NRCAM: variants seen among roughly 807,000 people sequenced by gnomAD.
NRCAM encodes neuronal cell adhesion molecule, also known as NgCAM-related cell adhesion molecule.
NRCAM carries 83 observed loss-of-function variants against 156.5 expected under a neutral mutation model. That is an observed-to-expected ratio of 0.53 (90% confidence interval 0.44 to 0.64). The LOEUF (loss-of-function observed/expected upper bound fraction) is 0.64, where lower values mean the gene tolerates loss of function less well. NRCAM is among the 30% of genes least tolerant of loss of function. The probability of loss-of-function intolerance (pLI) is 0.00; values close to 1 mark genes in which losing one functional copy is unlikely to be tolerated. For synonymous variants in NRCAM, 538 were observed against 563.9 expected (o/e 0.95, Z 0.65); for missense variants, 1,417 against 1,597.3 (o/e 0.89, Z 1.92).
intron 2 of NRCAM, among the ~76,000 whole-genome samples, chr7:108,398,766 C>T (rs1009063205): frequency 3.3e-5 from 5 of 152,172 alleles, no homozygotes; most frequent in African/African-American, 1.2e-4. Flanking sequence ...CCTCAATATA[C>T]TTTTATCATA....
chr7:108,402,684 G>C (rs1300932378), intron 1 of NRCAM, among the ~76,000 whole-genome samples: 1 of 152,066 alleles, frequency 6.6e-6, no homozygotes, highest in Non-Finnish European at 1.5e-5. Flanking sequence ...CCACACCCAG[G>C]TTCATATTCT....
intron 14 of NRCAM, 87 bp downstream of exon 14, chr7:108,197,869 A>T: frequency 1.0e-6 from 1 of 998,286 alleles, no homozygotes. Flanking sequence ...CACATAGTAG[A>T]TGCTCAATAT....
Position 108,176,427 on chromosome 7 carries a change from T to G in NRCAM, c.3151+3A>C. 1 of 1,611,124 alleles carries G rather than the reference T, an allele frequency of 6.2e-7. No individual in the cohort carries two copies. Among genetic ancestry groups the G allele is most frequent in the African/African-American group, 1.3e-5 (1 of 75,006 alleles). ...ATATGGATTTTATACATACCCATCT[T>G]ACCTTCATCCACAGTTGTTACTGCT... On this transcript the variant is annotated splice_donor_region_variant and intron_variant, in intron 27 of 32. Transcript: ENST00000379028.
intron 28 of NRCAM, among the ~76,000 whole-genome samples, chr7:108,171,008 A>G (rs922575947): frequency 6.6e-6 from 1 of 152,234 alleles, no homozygotes; most frequent in Non-Finnish European, 1.5e-5. Flanking sequence ...GCTTATTCTT[A>G]AAGATACCCA....
At chr7:108,357,703 A>C (rs569473760) in intron 2 of NRCAM, among the ~76,000 whole-genome samples, 33 of 152,270 alleles carry the variant, frequency 2.2e-4, no homozygotes, top group African/African-American at 7.7e-4. Flanking sequence ...TATTTATATT[A>C]GACATGTCAT....
At chr7:108,405,498 G>C (rs888174037) in intron 1 of NRCAM, among the ~76,000 whole-genome samples, 2 of 152,120 alleles carry the variant, frequency 1.3e-5, no homozygotes, top group Non-Finnish European at 2.9e-5. Flanking sequence ...TTTCATACGT[G>C]GACATATTAA....
At chr7:108,426,413 C>G (rs939766181) in intron 1 of NRCAM, among the ~76,000 whole-genome samples, 6 of 152,196 alleles carry the variant, frequency 3.9e-5, no homozygotes, top group Non-Finnish European at 5.9e-5. Context: ...TAACCAAATG[C>G]CTTTATAGTT....
At chr7:108,155,017 AAGTTTAAATATGAAAGGAGAGTTTCCC>A (rs2044140801) in intron 32 of NRCAM, among the ~76,000 whole-genome samples, 1 of 146,358 alleles carries the variant, frequency 6.8e-6, no homozygotes. Context: ...TTGCCATGTC[AAGTTTAAATATGAAAGGAGAGTTTCCC>A]AAATGATATG....
At chr7:108,348,059 C>A (rs73420213) in intron 2 of NRCAM, among the ~76,000 whole-genome samples, 3,354 of 152,268 alleles carry the variant, frequency 0.022, 118 homozygotes, top group African/African-American at 0.075. Flanking sequence ...CATCTTTGTG[C>A]CCCAAATACG....
intron 4 of NRCAM, among the ~76,000 whole-genome samples, chr7:108,239,301 T>C (rs915354445): frequency 3.3e-5 from 5 of 152,204 alleles, no homozygotes; most frequent in African/African-American, 1.2e-4. Flanking sequence ...ATATTACTTG[T>C]ATTTTTAGCA....
chr7:108,297,204 C>G (rs972090724), intron 3 of NRCAM, among the ~76,000 whole-genome samples: 1 of 152,310 alleles, frequency 6.6e-6, no homozygotes, highest in South Asian at 2.1e-4. Context: ...ATTTTGAGAA[C>G]AGTTTCTGTT....
intron 2 of NRCAM, among the ~76,000 whole-genome samples, chr7:108,377,461 G>A (rs780886158): frequency 6.6e-5 from 10 of 152,174 alleles, no homozygotes; most frequent in Non-Finnish European, 1.5e-4. Flanking sequence ...AAATTATTGA[G>A]AGTGGATTGT....
At chr7:108,173,558 T>C (rs576356246) in intron 28 of NRCAM, among the ~76,000 whole-genome samples, 40 of 152,296 alleles carry the variant, frequency 2.6e-4, no homozygotes, top group Admixed American at 1.5e-3. Flanking sequence ...AAATTATGCT[T>C]GAGCAGTTTA....
At position 108,312,727 on chromosome 7, in the gene NRCAM, T is replaced by A. The variant is rs2098819246; in HGVS notation, c.-169A>T. The A allele has an allele frequency of 6.6e-6, 1 of 152,238 alleles. No homozygotes were observed. The highest frequency in any genetic ancestry group is 1.5e-5 in the Non-Finnish European group (1 of 68,042). The allele number at this position is 152,238 out of a possible 1,614,324, so 9.4% of individuals were successfully genotyped here. ...CTTTAAACCAAACGTCTTCTTAGCATTGCTCTGTGGGTTAAAAAATGGGAG... is the reference window on the plus strand; with the variant it reads ...CTTTAAACCAAACGTCTTCTTAGCAATGCTCTGTGGGTTAAAAAATGGGAG... On this transcript the variant is annotated 5_prime_UTR_variant, in exon 3 of 33. The change abolishes an upstream ATG in the 5' untranslated region. Transcript: ENST00000379028.
intron 27 of NRCAM, 23 bp downstream of exon 27, chr7:108,176,407 G>GGT: frequency 1.9e-6 from 3 of 1,594,894 alleles, no homozygotes; most frequent in Non-Finnish European, 2.6e-6. Flanking sequence ...TAATTATATG[G>GGT]ATTTTATACA....
At chr7:108,355,921 T>A (rs2154302637) in intron 2 of NRCAM, among the ~76,000 whole-genome samples, 1 of 151,244 alleles carries the variant, frequency 6.6e-6, no homozygotes, top group East Asian at 2.0e-4. Flanking sequence ...GAAGGGTGAA[T>A]ACAGTAATAC....
chr7:108,361,046 AAG>A (rs2099546924), intron 2 of NRCAM, among the ~76,000 whole-genome samples: 1 of 152,174 alleles, frequency 6.6e-6, no homozygotes, highest in Non-Finnish European at 1.5e-5. Flanking sequence ...AGTGCACAGA[AAG>A]AGAGAAAATA....
rs1343847179 is a variant in NRCAM at position 108,176,579 on chromosome 7, A to G, written c.3002T>C (p.Leu1001Pro). ...PINSTHELGP[L>P]VDLKIPANKT... ...GTTGGCAGGAATTTTCAAATCTACC[A>G]GAGGGCCTAATTCATGTGTGCTGTT... Residue 1001 changes from leucine (L) to proline (P), a missense_variant, in exon 27 of 33, where the codon CTG becomes CCG. By Grantham distance (98) the Leu-to-Pro change is moderately conservative (BLOSUM62 -3). Transcript: ENST00000379028. The G allele has an allele frequency of 1.2e-6, 2 of 1,613,498 alleles. No homozygotes were observed. Among genetic ancestry groups the G allele is most frequent in the Non-Finnish European group, 1.7e-6 (2 of 1,179,752 alleles).
At chr7:108,170,087 T>G (rs1268357212) in intron 28 of NRCAM, among the ~76,000 whole-genome samples, 1 of 152,124 alleles carries the variant, frequency 6.6e-6, no homozygotes, top group Non-Finnish European at 1.5e-5. Context: ...TCGACTCTCC[T>G]AAATTCATTG....
Sources: gnomAD v4.1 joint callset for allele counts (sites outside exome capture counted in the v4.1 genomes callset) on GRCh38, gnomAD v4.1.1 for gene constraint, MANE v1.5 for transcripts, NCBI Gene and HGNC (gene_info 2026-07-23, HGNC 2026-07-21) for gene names.